The following SYT1 variants were observed in gnomAD, a reference collection of about 807,000 sequenced individuals.
SYT1 encodes synaptotagmin-1.
Under a neutral mutation model 44.8 loss-of-function variants are expected in SYT1, and 8 were observed. The ratio of observed to expected loss-of-function variants is 0.18; its 90% CI spans 0.10 to 0.32. The LOEUF is 0.32. SYT1 is among the 10% of genes least tolerant of loss of function. The pLI is 1.00. For missense variants in SYT1, 286 were observed against 509.3 expected (o/e 0.56, Z 4.22); for synonymous variants, 154 against 188.8 (o/e 0.82, Z 1.51).
intron 9 of SYT1, among the ~76,000 whole-genome samples, chr12:79,354,524 A>G (rs1027837487): frequency 6.6e-6 from 1 of 152,196 alleles, no homozygotes; most frequent in African/African-American, 2.4e-5. Flanking sequence ...CATAACAGCT[A>G]AAAAGTGCTA....
At chr12:79,192,414 G>A (rs1049076774) in intron 3 of SYT1, among the ~76,000 whole-genome samples, 4 of 152,096 alleles carry the variant, frequency 2.6e-5, no homozygotes, top group African/African-American at 9.7e-5. Context: ...GGATGGGTAG[G>A]GATAAAGTGA....
intron 9 of SYT1, among the ~76,000 whole-genome samples, chr12:79,394,708 C>T (rs1176916935): frequency 4.6e-5 from 7 of 152,032 alleles, no homozygotes; most frequent in African/African-American, 1.2e-4. Flanking sequence ...AAATATAATA[C>T]CTAACTAGAA....
At chr12:78,888,339 G>A (rs1874860612) in intron 1 of SYT1, among the ~76,000 whole-genome samples, 1 of 151,400 alleles carries the variant, frequency 6.6e-6, no homozygotes, top group Non-Finnish European at 1.5e-5. Flanking sequence ...GTAAATGGAT[G>A]GACCCATTTC....
At chr12:78,883,349 CCTT>C (rs1297962366) in intron 1 of SYT1, among the ~76,000 whole-genome samples, 3 of 151,612 alleles carry the variant, frequency 2.0e-5, no homozygotes, top group Admixed American at 1.3e-4. Context: ...GAAGTATCAT[CCTT>C]CTTGATTTTT....
chr12:78,931,264 A>G (rs1592574521), intron 1 of SYT1, among the ~76,000 whole-genome samples: 2 of 80,578 alleles, frequency 2.5e-5, no homozygotes, highest in Non-Finnish European at 5.4e-5. Context: ...GGAAGGAAGG[A>G]AGGAAGGAAG....
chr12:79,416,038 T>C (rs188002992), intron 9 of SYT1, among the ~76,000 whole-genome samples: 14 of 152,322 alleles, frequency 9.2e-5, no homozygotes, highest in Non-Finnish European at 1.5e-5. Context: ...CCCATTTACA[T>C]TGAGAATCAT....
chr12:79,049,632 A>G (rs1318807013), intron 3 of SYT1, among the ~76,000 whole-genome samples: 2 of 152,006 alleles, frequency 1.3e-5, no homozygotes, highest in Non-Finnish European at 2.9e-5. Context: ...TAGACAATAC[A>G]TGGAATAAAA....
intron 3 of SYT1, among the ~76,000 whole-genome samples, chr12:79,168,948 G>T (rs1178046924): frequency 2.0e-5 from 3 of 151,882 alleles, no homozygotes; most frequent in Non-Finnish European, 4.4e-5. Context: ...AAGGCATCTG[G>T]AACACTTGAG....
chr12:78,963,234 A>G (rs1879606561), intron 1 of SYT1, among the ~76,000 whole-genome samples: 1 of 152,156 alleles, frequency 6.6e-6, no homozygotes, highest in African/African-American at 2.4e-5. Flanking sequence ...TGTTTATCAT[A>G]GGGAAAAACA....
rs996782924 is a variant in SYT1 at position 78,947,231 on chromosome 12, G to A, written c.-216-30568G>A. On this transcript the variant is annotated intron_variant, in intron 1 of 10. Coordinates refer to ENST00000261205, the MANE Select transcript of SYT1 (RefSeq NM_005639.3). ...CCCTCATGTATTGCTTATTTCTTGA[G>A]CTTTTAGGTACAACTTGGCAAATAT... Among the ~76,000 whole-genome samples, 4 of 152,092 alleles carry A rather than the reference G, an allele frequency of 2.6e-5. No homozygotes were observed. In the South Asian group the frequency reaches 8.3e-4, roughly 32 times the overall value.
chr12:79,051,155 C>G (rs992371242), intron 3 of SYT1, among the ~76,000 whole-genome samples: 2 of 151,554 alleles, frequency 1.3e-5, no homozygotes, highest in African/African-American at 4.8e-5. Flanking sequence ...AAAAAAAACT[C>G]TTCTCCAAAT....
chr12:78,967,319 C>T (rs1242530903), intron 1 of SYT1, among the ~76,000 whole-genome samples: 2 of 152,084 alleles, frequency 1.3e-5, no homozygotes, highest in Admixed American at 6.6e-5. Context: ...ATTGAGAGAG[C>T]AAGGCTAGAG....
At chr12:79,188,654 A>T (rs1308237233) in intron 3 of SYT1, among the ~76,000 whole-genome samples, 1 of 152,122 alleles carries the variant, frequency 6.6e-6, no homozygotes, top group Non-Finnish European at 1.5e-5. Context: ...TTCAATGCCA[A>T]TGTGGCTTTC....
intron 2 of SYT1, among the ~76,000 whole-genome samples, chr12:78,989,644 A>G (rs1869886285): frequency 1.3e-5 from 2 of 152,080 alleles, no homozygotes; most frequent in Non-Finnish European, 2.9e-5. Context: ...CCAGAAAACT[A>G]CCAATGGATT....
chr12:78,918,001 T>C (rs575152681), intron 1 of SYT1, among the ~76,000 whole-genome samples: 1 of 152,226 alleles, frequency 6.6e-6, no homozygotes, highest in East Asian at 1.9e-4. Context: ...ACAAGCAATA[T>C]TAACACAGGT....
chr12:79,356,131 C>A (rs568688521), intron 9 of SYT1, among the ~76,000 whole-genome samples: 1 of 151,194 alleles, frequency 6.6e-6, no homozygotes, highest in African/African-American at 2.4e-5. Context: ...AGAGAACAAC[C>A]ACGGGGCTTC....
intron 4 of SYT1, among the ~76,000 whole-genome samples, chr12:79,267,085 TAAAAG>T (rs1299217746): frequency 1.3e-5 from 2 of 152,150 alleles, no homozygotes; most frequent in Non-Finnish European, 1.5e-5. Context: ...TCTAGAATCT[TAAAAG>T]AAAGGTAGTG....
chr12:79,197,602 A>G (rs1050775797), intron 3 of SYT1, among the ~76,000 whole-genome samples: 1 of 152,250 alleles, frequency 6.6e-6, no homozygotes, highest in Non-Finnish European at 1.5e-5. Context: ...AAATATAGGA[A>G]CAAGTTTAAA....
chr12:79,069,477 AT>A (rs990315805), intron 3 of SYT1, among the ~76,000 whole-genome samples: 3 of 150,482 alleles, frequency 2.0e-5, no homozygotes, highest in Non-Finnish European at 3.0e-5. Flanking sequence ...ACATGTTTCT[AT>A]TTTTTTTCAA....
Sources: allele counts gnomAD v4.1 joint callset (sites outside exome capture counted in the v4.1 genomes callset), GRCh38; gene constraint gnomAD v4.1.1; transcripts MANE v1.5; gene names NCBI Gene and HGNC (gene_info 2026-07-23, HGNC 2026-07-21).